GRIA1: variants seen among roughly 807,000 people sequenced by gnomAD.
The protein encoded by GRIA1 is glutamate ionotropic receptor AMPA type subunit 1, also known as glutamate receptor 1.
GRIA1 carries 31 observed loss-of-function variants against 99.2 expected under a neutral mutation model. The observed-to-expected ratio is 0.31, with a 90% CI of 0.23 to 0.42. The LOEUF is 0.42. Among genes scored for constraint, GRIA1 ranks in the 10% least tolerant of loss-of-function variants. The pLI is 1.00. For missense variants in GRIA1, 782 were observed against 1,157.5 expected (o/e 0.68, Z 4.71); for synonymous variants, 438 against 432.4 (o/e 1.01, Z -0.16).
intron 11 of GRIA1, among the ~76,000 whole-genome samples, chr5:153,718,949 A>ACTGAATC (rs1298892403): frequency 6.6e-6 from 1 of 152,156 alleles, no homozygotes; most frequent in Non-Finnish European, 1.5e-5. Flanking sequence ...TTGGATAGGA[A>ACTGAATC]CTGAATCCAC....
At chr5:153,616,246 A>G (rs560631525) in intron 2 of GRIA1, among the ~76,000 whole-genome samples, 1 of 152,276 alleles carries the variant, frequency 6.6e-6, no homozygotes, top group South Asian at 2.1e-4. Flanking sequence ...AAGGCTTTTC[A>G]AACATGGTAC....
intron 2 of GRIA1, among the ~76,000 whole-genome samples, chr5:153,542,681 T>A (rs1312068230): frequency 6.6e-6 from 1 of 152,214 alleles, no homozygotes; most frequent in Non-Finnish European, 1.5e-5. Flanking sequence ...GCTCTGCCAT[T>A]TGCTAGCTAT....
At chr5:153,698,832 A>G (rs762889559) in intron 9 of GRIA1, 35 bp from the exon 10 acceptor site, 2 of 1,398,604 alleles carry the variant, frequency 1.4e-6, no homozygotes, top group African/African-American at 2.8e-5. Context: ...TGAACCCATA[A>G]CCCACATTCT....
intron 11 of GRIA1, among the ~76,000 whole-genome samples, chr5:153,721,443 T>A (rs995203426): frequency 1.3e-5 from 2 of 152,210 alleles, no homozygotes; most frequent in African/African-American, 4.8e-5. Context: ...TAATTTTCAG[T>A]GCCTGTGTAA....
At chr5:153,709,001 TA>T (rs925616723) in intron 11 of GRIA1, among the ~76,000 whole-genome samples, 17 of 152,232 alleles carry the variant, frequency 1.1e-4, no homozygotes, top group Non-Finnish European at 2.4e-4. Flanking sequence ...GAGAATGTAT[TA>T]AAATGTTTCT....
At chr5:153,637,898 A>G (rs1753495579) in intron 2 of GRIA1, among the ~76,000 whole-genome samples, 1 of 152,210 alleles carries the variant, frequency 6.6e-6, no homozygotes, top group African/African-American at 2.4e-5. Flanking sequence ...TTTATGAGTT[A>G]TTGTTCATTA....
At position 153,650,405 on chromosome 5, in the gene GRIA1, C is replaced by G; in HGVS notation, c.536C>G (p.Thr179Arg). Residue 179 changes from threonine to arginine, a missense_variant, in exon 4 of 16, where the codon ACA (threonine) becomes AGA (arginine). Thr to Arg is a moderately conservative substitution (Grantham distance 71). This residue lies in a region of GRIA1 where 461 missense variants were observed against 521.7 expected (regional missense o/e 0.88). Transcript: ENST00000285900. ...CAGGTGACAGCAGTCAACATTTTGA[C>G]AACCACAGAGGAGGGATACCGGATG... ...NWQVTAVNIL[T>R]TTEEGYRMLF... is the part of the protein sequence containing the mutation. The G allele has an allele frequency of 6.2e-7, 1 of 1,613,992 alleles. No homozygotes were observed. The highest frequency in any genetic ancestry group is 8.5e-7 in the Non-Finnish European group (1 of 1,179,922).
intron 7 of GRIA1, among the ~76,000 whole-genome samples, chr5:153,679,273 C>CAAAT (rs947795429): frequency 2.0e-5 from 3 of 148,336 alleles, no homozygotes; most frequent in Admixed American, 6.7e-5. Flanking sequence ...ACAACTATCC[C>CAAAT]AAATAAATAA....
intron 12 of GRIA1, among the ~76,000 whole-genome samples, chr5:153,765,914 C>G (rs1334151321): frequency 6.6e-6 from 1 of 152,162 alleles, no homozygotes; most frequent in African/African-American, 2.4e-5. Context: ...GATCACACAG[C>G]TAATTAGTAG....
intron 10 of GRIA1, 129 bp from the exon 11 acceptor site, chr5:153,705,568 G>C: frequency 8.1e-7 from 1 of 1,238,628 alleles, no homozygotes; most frequent in Non-Finnish European, 1.1e-6. Flanking sequence ...GACTTCAAAG[G>C]TTCTTTCCCA....
rs1415739916 is a variant in GRIA1 at position 153,758,528 on chromosome 5, T to C, written c.1824-5906T>C. Among the ~76,000 whole-genome samples the C allele has an allele frequency of 2.0e-5, 3 of 151,960 alleles. No individual in the cohort carries two copies. The East Asian group carries it at 5.8e-4, about 29-fold the overall frequency. ...CAAGAGAATATAATAATTATAAATA[T>C]ATATTCAACCAGCATCAGAGCAGTT... On this transcript the variant is annotated intron_variant, in intron 11 of 15. Transcript: ENST00000285900.
At position 153,641,479 on chromosome 5, in the gene GRIA1, C is replaced by T. The variant is rs548473159; in HGVS notation, c.221-5449C>T. Among the ~76,000 whole-genome samples, 10 of 152,270 alleles carry T rather than the reference C, an allele frequency of 6.6e-5. No homozygotes were observed. The East Asian group carries it at 1.9e-3, about 29-fold the overall frequency. On this transcript the variant is annotated intron_variant, in intron 2 of 15. Coordinates refer to ENST00000285900, the MANE Select transcript of GRIA1 (RefSeq NM_000827.4). The stretch of plus-strand genomic sequence containing the variant: ...GCCATGCAGTGTGTGGGTTTTCCTG[C>T]TCTCACTGGTTCCTGCCCTCCTGCT...
intron 2 of GRIA1, among the ~76,000 whole-genome samples, chr5:153,599,949 A>G (rs1764748902): frequency 1.3e-5 from 2 of 152,120 alleles, no homozygotes; most frequent in South Asian, 4.2e-4. Flanking sequence ...GGGGAAAGGA[A>G]GAAGGCTGTC....
chr5:153,632,137 T>G (rs955500519), intron 2 of GRIA1, among the ~76,000 whole-genome samples: 1 of 151,918 alleles, frequency 6.6e-6, no homozygotes, highest in Non-Finnish European at 1.5e-5. Flanking sequence ...GGCTGCTAGA[T>G]GAAGGATGGA....
chr5:153,695,378 C>T (rs17115057), intron 8 of GRIA1, among the ~76,000 whole-genome samples: 10,448 of 152,240 alleles, frequency 0.069, 406 homozygotes, highest in Middle Eastern at 0.13. Context: ...GCAACTCTTG[C>T]GGGGAATCCC....
chr5:153,575,105 A>C (rs1346036759), intron 2 of GRIA1, among the ~76,000 whole-genome samples: 1 of 152,142 alleles, frequency 6.6e-6, no homozygotes, highest in East Asian at 1.9e-4. Flanking sequence ...TCTAAATCAC[A>C]AGGAAACTCC....
intron 2 of GRIA1, among the ~76,000 whole-genome samples, chr5:153,509,128 A>G (rs567072553): frequency 6.6e-6 from 1 of 152,358 alleles, no homozygotes; most frequent in South Asian, 2.1e-4. Context: ...ACAAAGTCAT[A>G]TGACAAAAGG....
intron 2 of GRIA1, among the ~76,000 whole-genome samples, chr5:153,580,804 C>T (rs1038637884): frequency 2.0e-5 from 3 of 152,160 alleles, no homozygotes; most frequent in African/African-American, 7.2e-5. Context: ...GTGAGAGCCA[C>T]TGTCTGCTGC....
At chr5:153,728,323 G>A (rs1306167393) in intron 11 of GRIA1, among the ~76,000 whole-genome samples, 1 of 150,088 alleles carries the variant, frequency 6.7e-6, no homozygotes, top group African/African-American at 2.4e-5. Flanking sequence ...ATAGGCATAG[G>A]CAAGGACTTC....
Sources: gnomAD v4.1 joint callset for allele counts (sites outside exome capture counted in the v4.1 genomes callset) on GRCh38, gnomAD v4.1.1 for gene constraint, gnomAD v4.1.1 regional missense constraint, MANE v1.5 for transcripts, NCBI Gene and HGNC (gene_info 2026-07-23, HGNC 2026-07-21) for gene names.